The following EXO1 variants were observed in gnomAD, a reference collection of about 807,000 sequenced individuals.
The protein encoded by EXO1 is exonuclease 1.
In EXO1, 69 loss-of-function variants were observed where a neutral mutation model predicts 84.5. That is an observed-to-expected ratio of 0.82 (90% CI 0.67 to 1.00). EXO1 has a LOEUF of 1.00. Ranked by LOEUF, EXO1 falls within the 50% of genes least tolerant of loss-of-function variation. EXO1 has a pLI of 0.00. For synonymous variants in EXO1, 373 were observed against 366.1 expected (o/e 1.02, Z -0.21); for missense variants, 1,045 against 1,000.7 (o/e 1.04, Z -0.60).
chr1:241,879,870 G>A (rs962075243), intron 13 of EXO1, among the ~76,000 whole-genome samples: 1 of 151,972 alleles, frequency 6.6e-6, no homozygotes, highest in African/African-American at 2.4e-5. Flanking sequence ...AGGCAGGCAT[G>A]GTGGTGGGCA....
In EXO1 at chr1:241,873,230, C is replaced by G. The variant is rs115299026; in HGVS notation, c.1514+952C>G. 9.2e-3 allele frequency among the ~76,000 whole-genome samples: 1,397 copies of G among 152,256 alleles called. 24 individuals carry two copies. The highest frequency in any genetic ancestry group is 0.032 in the African/African-American group (1,328 of 41,544). On this transcript the variant is annotated intron_variant, in intron 12 of 15. Transcript: ENST00000366548. Reference sequence around the variant, plus strand: ...CTAATGCTATCCCTCCTCCCTCCCCCCAATTGTGGTTTTGATTTGCATTTC... The same window carrying G: ...CTAATGCTATCCCTCCTCCCTCCCCGCAATTGTGGTTTTGATTTGCATTTC...
Position 241,850,431 on chromosome 1 carries a change from G to A in EXO1, c.6G>A (p.Gly2=), listed in dbSNP as rs368063456. 1 of 1,613,228 alleles carries A rather than the reference G, an allele frequency of 6.2e-7. No homozygotes were observed. The highest frequency in any genetic ancestry group is 8.5e-7 in the Non-Finnish European group (1 of 1,179,334). M[G]IQGLLQFIKE... ...CAGGTAGTTAATTTGGCACCATGGG[G>A]ATACAGGGATTGCTACAATTTATCA... The change falls in exon 4 of 16, where the codon GGG becomes GGA. Residue 2 remains glycine (G), a synonymous_variant. Transcript: ENST00000366548.
chr1:241,875,746 C>T (rs1236846859), intron 12 of EXO1, among the ~76,000 whole-genome samples: 5 of 152,090 alleles, frequency 3.3e-5, no homozygotes, highest in Non-Finnish European at 2.9e-5. Context: ...GGCGTGGTGG[C>T]GGGCGCTAGT....
At chr1:241,879,723 G>A (rs548157013) in intron 13 of EXO1, among the ~76,000 whole-genome samples, 1 of 152,172 alleles carries the variant, frequency 6.6e-6, no homozygotes, top group Admixed American at 6.5e-5. Context: ...CCTTGTAAGG[G>A]GCCAGGTGCG....
At chr1:241,885,958 ATTC>A (rs1663049919) in intron 15 of EXO1, among the ~76,000 whole-genome samples, 1 of 151,612 alleles carries the variant, frequency 6.6e-6, no homozygotes, top group Non-Finnish European at 1.5e-5. Flanking sequence ...GGCTCAAGCA[ATTC>A]TTCTGCCTCA....
At chr1:241,854,889 G>C (rs919741817) in intron 6 of EXO1, 4 of 153,398 alleles carry the variant, frequency 2.6e-5, no homozygotes, top group African/African-American at 9.6e-5. Context: ...CGCTGGCTCA[G>C]AAGTGAAGCT....
At chr1:241,886,638 G>A (rs1411817447) in intron 15 of EXO1, among the ~76,000 whole-genome samples, 1 of 152,084 alleles carries the variant, frequency 6.6e-6, no homozygotes, top group Non-Finnish European at 1.5e-5. Flanking sequence ...TATACTCTTA[G>A]AAATTATTAA....
At chr1:241,887,124 A>G (rs1206895333) in intron 15 of EXO1, among the ~76,000 whole-genome samples, 2 of 152,212 alleles carry the variant, frequency 1.3e-5, no homozygotes, top group African/African-American at 2.4e-5. Flanking sequence ...AACCATATCA[A>G]CTGACTTTTT....
chr1:241,870,637 C>G (rs2148475379), intron 11 of EXO1, among the ~76,000 whole-genome samples: 1 of 152,274 alleles, frequency 6.6e-6, no homozygotes, highest in Middle Eastern at 3.4e-3. Flanking sequence ...GCTGTTAAGC[C>G]AGGTATAGTT....
In EXO1 at chr1:241,868,543, CTG is replaced by C. The variant is rs144176043; in HGVS notation, c.1267+1490_1267+1491del. On this transcript the variant is annotated intron_variant, in intron 11 of 15. Coordinates refer to ENST00000366548, the MANE Select transcript of EXO1 (RefSeq NM_130398.4). ...ATTAGTCAAATGTGGTGACGTGTGTCTGTAGTCCCATCTATTCAGGAGGCTGA... is the reference window on the plus strand; with the variant it reads ...ATTAGTCAAATGTGGTGACGTGTGTCTAGTCCCATCTATTCAGGAGGCTGA... 9.1e-3 allele frequency among the ~76,000 whole-genome samples: 1,379 copies of C among 152,276 alleles called. 23 individuals are homozygous for C. Among genetic ancestry groups the C allele is most frequent in the African/African-American group, 0.032 (1,316 of 41,554 alleles).
intron 13 of EXO1, among the ~76,000 whole-genome samples, chr1:241,880,031 A>G (rs542351514): frequency 2.0e-4 from 30 of 151,510 alleles, no homozygotes; most frequent in Non-Finnish European, 3.7e-4. Context: ...AAAAAAAGAG[A>G]CCTTATAAGG....
At position 241,860,778 on chromosome 1, in the gene EXO1, G is replaced by A. The variant is rs555778364; in HGVS notation, c.944+74G>A. ...ATTTTTATGGTGATTTTTTTGTGAG[G>A]CATTTAGTAAAAAGCTTGCACATTA... On this transcript the variant is annotated intron_variant, in intron 9 of 15. Transcript: ENST00000366548. 5 of 1,211,652 alleles carry A rather than the reference G, an allele frequency of 4.1e-6. No homozygotes were observed. In the African/African-American group the frequency reaches 4.5e-5, roughly 11 times the overall value. 75.1% of individuals were successfully genotyped at this position (1,211,652 alleles called of 1,614,324 possible). A position where few individuals can be genotyped will look rare whatever the true frequency, so the allele number is the denominator to read the frequency against.
rs1377291805 is a variant in EXO1, at chr1:241,878,970, T to C, written c.1736T>C (p.Val579Ala). 1 of 1,613,980 alleles carries C rather than the reference T, an allele frequency of 6.2e-7. No homozygotes were observed. Among genetic ancestry groups the C allele is most frequent in the Non-Finnish European group, 8.5e-7 (1 of 1,179,988 alleles). ...PGDHIPDKAT[V>A]FTDEESYSFE... ...GATCATATTCCAGACAAGGCAACAGTGTTTACAGATGAAGAGTCCTACTCT... is the reference window on the plus strand; with the variant it reads ...GATCATATTCCAGACAAGGCAACAGCGTTTACAGATGAAGAGTCCTACTCT... The change falls in exon 13 of 16, where the codon GTG (valine) becomes GCG (alanine). Residue 579 changes from valine to alanine, a missense_variant. Val to Ala is a moderately conservative substitution (Grantham distance 64). Transcript: ENST00000366548.
intron 10 of EXO1, among the ~76,000 whole-genome samples, chr1:241,865,415 T>G (rs552500141): frequency 9.9e-5 from 15 of 151,710 alleles, no homozygotes; most frequent in African/African-American, 3.6e-4. Flanking sequence ...TTCATCATAT[T>G]GGTCAGGCTG....
intron 10 of EXO1, among the ~76,000 whole-genome samples, chr1:241,862,041 C>T (rs1212164879): frequency 6.6e-6 from 1 of 152,190 alleles, no homozygotes; most frequent in Non-Finnish European, 1.5e-5. Flanking sequence ...CAGGTTCGAG[C>T]AATTCTCCTG....
intron 12 of EXO1, among the ~76,000 whole-genome samples, chr1:241,877,690 A>G (rs1357457336): frequency 6.6e-6 from 1 of 152,188 alleles, no homozygotes; most frequent in African/African-American, 2.4e-5. Flanking sequence ...TGCCTCCTCA[A>G]TAATGATACT....
chr1:241,859,028 G>A (rs1468762977), intron 8 of EXO1, among the ~76,000 whole-genome samples: 2 of 152,188 alleles, frequency 1.3e-5, no homozygotes. Context: ...TAACTCTATA[G>A]TAGTGGTTCT....
At chr1:241,881,335 C>T (rs1419375677) in intron 13 of EXO1, among the ~76,000 whole-genome samples, 2 of 151,982 alleles carry the variant, frequency 1.3e-5, no homozygotes, top group African/African-American at 2.4e-5. Context: ...CCTGGCCTTA[C>T]TGTCCTCTTT....
At chr1:241,857,558 G>A (rs1159018787) in intron 7 of EXO1, 76 bp downstream of exon 7, 3 of 847,624 alleles carry the variant, frequency 3.5e-6, no homozygotes, top group East Asian at 3.1e-5. Context: ...AATTTTTCCT[G>A]TCCAGGAAAT....
Sources: allele counts gnomAD v4.1 joint callset (sites outside exome capture counted in the v4.1 genomes callset), GRCh38; gene constraint gnomAD v4.1.1; transcripts MANE v1.5; gene names NCBI Gene and HGNC (gene_info 2026-07-23, HGNC 2026-07-21).